The following DCHS2 variants were observed in gnomAD, a reference collection of about 807,000 sequenced individuals.
DCHS2 encodes dachsous cadherin-related 2.
A neutral mutation model predicts 182.4 loss-of-function variants in DCHS2; 142 were observed. That is an observed-to-expected ratio of 0.78 (90% confidence interval 0.68 to 0.89). DCHS2 has a LOEUF of 0.89. Ranked by LOEUF, DCHS2 falls within the 40% of genes least tolerant of loss-of-function variation. DCHS2 has a pLI of 0.00. For synonymous variants in DCHS2, 1,740 were observed against 1,663.3 expected, an observed-to-expected ratio of 1.05 and a Z score of -1.12; for missense variants, 4,319 against 4,198.6, an observed-to-expected ratio of 1.03 and a Z score of -0.79.
intron 3 of DCHS2, among the ~76,000 whole-genome samples, chr4:154,347,237 A>G (rs754498092): frequency 6.7e-6 from 1 of 149,332 alleles, no homozygotes; most frequent in Non-Finnish European, 1.5e-5. Context: ...GCAGAACCAG[A>G]CTTCCTACAT....
chr4:154,350,119 C>T (rs1729538663), intron 3 of DCHS2, among the ~76,000 whole-genome samples: 2 of 152,184 alleles, frequency 1.3e-5, no homozygotes, highest in Non-Finnish European at 2.9e-5. Context: ...GTAGGCTCTA[C>T]CTTACAGATC....
intron 1 of DCHS2, among the ~76,000 whole-genome samples, chr4:154,466,012 G>A (rs1389307261): frequency 3.3e-5 from 5 of 151,976 alleles, no homozygotes; most frequent in Non-Finnish European, 5.9e-5. Flanking sequence ...CTGTTGATAA[G>A]GAAAAGATGA....
chr4:154,290,711 G>A (rs1398283596), intron 13 of DCHS2, among the ~76,000 whole-genome samples: 1 of 152,028 alleles, frequency 6.6e-6, no homozygotes, highest in Admixed American at 6.6e-5. Flanking sequence ...TCAACAAATG[G>A]TGCTGGAAAA....
intron 1 of DCHS2, among the ~76,000 whole-genome samples, chr4:154,426,057 G>C (rs1733311461): frequency 6.6e-6 from 1 of 152,020 alleles, no homozygotes; most frequent in Non-Finnish European, 1.5e-5. Flanking sequence ...CTTGGCCTCT[G>C]TTTTTTTCTC....
At chr4:154,466,447 T>C (rs1038213776) in intron 1 of DCHS2, among the ~76,000 whole-genome samples, 1 of 152,148 alleles carries the variant, frequency 6.6e-6, no homozygotes, top group African/African-American at 2.4e-5. Context: ...AAAGAACCCA[T>C]CACTTTATAG....
chr4:154,353,967 C>G (rs1729740356), intron 3 of DCHS2, among the ~76,000 whole-genome samples: 2 of 152,158 alleles, frequency 1.3e-5, no homozygotes, highest in Non-Finnish European at 2.9e-5. Flanking sequence ...CACTCTGTCA[C>G]CCCGGCTAGA....
chr4:154,321,175 T>G lies in DCHS2; in HGVS notation c.4224A>C (p.Arg1408Ser). Residue 1408 changes from arginine (R) to serine (S), a missense_variant, in exon 9 of 20, where the codon AGA (arginine) becomes AGC (serine). Transcript: ENST00000357232. The stretch of plus-strand genomic sequence containing the variant: ...TCAAATTTTCTGGTATAATTAAATG[T>G]CTAATATTCTGAGACATGATTGCTC... Reference protein sequence around the residue: ...KGRAIMSQNIRHLIIPENLKP... With the variant: ...KGRAIMSQNISHLIIPENLKP... 6.3e-7 allele frequency: 1 copy of G among 1,578,842 alleles called. No homozygotes were observed. The highest frequency in any genetic ancestry group is 8.6e-7 in the Non-Finnish European group (1 of 1,159,812).
intron 1 of DCHS2, among the ~76,000 whole-genome samples, chr4:154,473,239 C>A (rs980282138): frequency 1.3e-5 from 2 of 152,216 alleles, no homozygotes; most frequent in Non-Finnish European, 2.9e-5. Flanking sequence ...TTGGCCACCA[C>A]CACAACTCTG....
intron 13 of DCHS2, among the ~76,000 whole-genome samples, chr4:154,273,960 A>G (rs1231897595): frequency 6.6e-6 from 1 of 152,188 alleles, no homozygotes; most frequent in Non-Finnish European, 1.5e-5. Context: ...AACAAGTCAC[A>G]AGAGGAAAGT....
intron 2 of DCHS2, among the ~76,000 whole-genome samples, chr4:154,369,251 GA>G (rs1432884467): frequency 6.6e-6 from 1 of 152,150 alleles, no homozygotes; most frequent in Admixed American, 6.5e-5. Context: ...AAAAAGGGGG[GA>G]AAATGCTGAA....
At chr4:154,366,603 C>T (rs28420999) in intron 2 of DCHS2, among the ~76,000 whole-genome samples, 162 bp from the exon 3 acceptor site, 2,826 of 152,152 alleles carry the variant, frequency 0.019, 83 homozygotes, top group African/African-American at 0.062. Flanking sequence ...CACCCCCATA[C>T]ATACACATTT....
chr4:154,418,321 G>A (rs957493487), intron 1 of DCHS2, among the ~76,000 whole-genome samples: 1 of 152,120 alleles, frequency 6.6e-6, no homozygotes, highest in Non-Finnish European at 1.5e-5. Flanking sequence ...CTAACGCCAG[G>A]TGTCTCAGTG....
intron 3 of DCHS2, chr4:154,343,609 AT>A (rs760866021): frequency 5.4e-5 from 82 of 1,510,712 alleles, no homozygotes; most frequent in Admixed American, 2.7e-4. Flanking sequence ...CTAGCTTCAA[AT>A]TTTTTTTCTG....
Position 154,235,348 on chromosome 4 carries a change from C to T in DCHS2, c.9304G>A (p.Ala3102Thr), listed in dbSNP as rs865847267. 1 of 1,614,036 alleles carries T rather than the reference C, an allele frequency of 6.2e-7. No individual in the cohort carries two copies. Among genetic ancestry groups the T allele is most frequent in the African/African-American group, 1.3e-5 (1 of 75,036 alleles). Residue 3102 changes from alanine to threonine, a missense_variant, in exon 20 of 20, where the codon GCA becomes ACA. Transcript: ENST00000357232. The stretch of plus-strand genomic sequence containing the variant: ...ATCCTCTGGATTTCCTTATCTTCTG[C>T]AGTTTCTCCTTCCACAGAACAGTGG... ...SGHCSVEGET[A>T]EDKEIQRINE...
chr4:154,342,250 G>C (rs770397568), intron 3 of DCHS2, among the ~76,000 whole-genome samples: 3 of 151,914 alleles, frequency 2.0e-5, no homozygotes, highest in Non-Finnish European at 4.4e-5. Flanking sequence ...TGAGATTTTA[G>C]TGAGTGGTAA....
Position 154,449,957 on chromosome 4 carries a change from C to G in DCHS2, c.2052+39347G>C, listed in dbSNP as rs553038881. Reference sequence around the variant, plus strand: ...CCTTCCACTCTCACCTTTCCACAAACAAGAGAAAGTTACCAGCTTAGCCTT... The same window carrying G: ...CCTTCCACTCTCACCTTTCCACAAAGAAGAGAAAGTTACCAGCTTAGCCTT... On this transcript the variant is annotated intron_variant, in intron 1 of 19. Coordinates refer to ENST00000357232, the MANE Select transcript of DCHS2 (RefSeq NM_001358235.2). Among the ~76,000 whole-genome samples, 6 of 152,294 alleles carry G rather than the reference C, an allele frequency of 3.9e-5. No individual in the cohort carries two copies. The South Asian group carries it at 1.2e-3, about 32-fold the overall frequency.
intron 1 of DCHS2, among the ~76,000 whole-genome samples, chr4:154,415,337 C>T (rs1359610034): frequency 1.3e-5 from 2 of 152,234 alleles, no homozygotes; most frequent in East Asian, 3.9e-4. Context: ...AATTGGAGCC[C>T]ATGACTCATT....
intron 1 of DCHS2, among the ~76,000 whole-genome samples, chr4:154,410,626 G>C (rs1347826128): frequency 6.7e-6 from 1 of 148,528 alleles, no homozygotes; most frequent in Admixed American, 6.7e-5. Flanking sequence ...GGGACTCATG[G>C]GACACCAATA....
chr4:154,389,186 A>C (rs993363443), intron 1 of DCHS2, among the ~76,000 whole-genome samples: 4 of 152,114 alleles, frequency 2.6e-5, no homozygotes, highest in Non-Finnish European at 5.9e-5. Context: ...TGTCACTTTC[A>C]ATTGTCATGA....
Sources: gnomAD v4.1 joint callset for allele counts (sites outside exome capture counted in the v4.1 genomes callset) on GRCh38, gnomAD v4.1.1 for gene constraint, MANE v1.5 for transcripts, NCBI Gene and HGNC (gene_info 2026-07-23, HGNC 2026-07-21) for gene names.